Variants in CSMD1 observed in about 807,000 individuals in gnomAD.
CSMD1 encodes the protein CUB and Sushi multiple domains 1, also known as CUB and sushi domain-containing protein 1.
Under a neutral mutation model 417.5 loss-of-function variants are expected in CSMD1, and 213 were observed. That is an observed-to-expected ratio of 0.51 (90% confidence interval 0.46 to 0.57). The LOEUF (loss-of-function observed/expected upper bound fraction) is 0.57, where lower values mean the gene tolerates loss of function less well. Among genes scored for constraint, CSMD1 ranks in the 20% least tolerant of loss-of-function variants. The pLI, the probability that CSMD1 is intolerant of heterozygous loss-of-function variation, is 0.00. For synonymous variants in CSMD1, 2,862 were observed against 1,736.8 expected (o/e 1.65, Z -16.11); for missense variants, 6,923 against 4,529.7 (o/e 1.53, Z -15.17).
At chr8:2,942,749 A>G in intron 68 of CSMD1, 145 bp from the exon 69 acceptor site, 1 of 612,126 alleles carries the variant, frequency 1.6e-6, no homozygotes, top group Middle Eastern at 4.7e-4. Context: ...ATTCTTTTCT[A>G]AAGATTTTTA....
intron 8 of CSMD1, among the ~76,000 whole-genome samples, chr8:3,591,980 T>C (rs897357215): frequency 3.3e-5 from 5 of 151,900 alleles, no homozygotes; most frequent in South Asian, 4.2e-4. Flanking sequence ...GAAAGATAGA[T>C]TGATAGATAA....
intron 2 of CSMD1, among the ~76,000 whole-genome samples, chr8:4,446,410 T>G (rs973104102): frequency 1.3e-5 from 2 of 151,942 alleles, no homozygotes; most frequent in Admixed American, 1.3e-4. Context: ...TAGCCATGGG[T>G]GGTGGTGCAC....
At chr8:3,380,528 G>C (rs1810566338) in intron 18 of CSMD1, among the ~76,000 whole-genome samples, 2 of 152,114 alleles carry the variant, frequency 1.3e-5, no homozygotes, top group Non-Finnish European at 2.9e-5. Flanking sequence ...AGACAATGTG[G>C]CACATATACA....
intron 5 of CSMD1, among the ~76,000 whole-genome samples, chr8:3,989,598 C>G (rs146539724): frequency 1.3e-5 from 2 of 152,280 alleles, no homozygotes; most frequent in Non-Finnish European, 2.9e-5. Context: ...AGAGATTTCT[C>G]AGGTGCCATC....
At chr8:4,267,588 CTTGG>C (rs1395732487) in intron 3 of CSMD1, among the ~76,000 whole-genome samples, 3 of 151,864 alleles carry the variant, frequency 2.0e-5, no homozygotes, top group Non-Finnish European at 4.4e-5. Flanking sequence ...GTGACACATT[CTTGG>C]TTGGTAGAAA....
intron 7 of CSMD1, among the ~76,000 whole-genome samples, chr8:3,675,471 G>A (rs1389639833): frequency 6.6e-6 from 1 of 152,200 alleles, no homozygotes; most frequent in Admixed American, 6.5e-5. Context: ...TGATTGCAAT[G>A]GACTGAATAT....
rs1490182136 is a variant in CSMD1, at chr8:3,342,320, C to CT, written c.3631+973dup. 4.6e-5 allele frequency among the ~76,000 whole-genome samples: 7 copies of CT among 152,066 alleles called. No homozygotes were observed. In the East Asian group the frequency reaches 1.4e-3, roughly 29 times the overall value. Reference sequence around the variant, plus strand: ...GGATGATTATTATCTTTTGCAGGACCTTTTTTGCCTATCCATCAAATAAAG... The same window carrying CT: ...GGATGATTATTATCTTTTGCAGGACCTTTTTTTGCCTATCCATCAAATAAAG... On this transcript the variant is annotated intron_variant, in intron 23 of 69. Transcript: ENST00000635120.
intron 7 of CSMD1, among the ~76,000 whole-genome samples, chr8:3,631,648 C>T (rs895649915): frequency 6.6e-6 from 1 of 152,178 alleles, no homozygotes. Context: ...GTGATTTTAG[C>T]CAGTCCAGCT....
rs570785446 is a variant in CSMD1 at position 3,200,998 on chromosome 8, G to A, written c.5098+614C>T. On this transcript the variant is annotated intron_variant, in intron 32 of 69. Coordinates refer to ENST00000635120, the MANE Select transcript of CSMD1 (RefSeq NM_033225.6). ...GGGTTAAATTGTGCTATATTAAACCGACTGAATACCATTCAGAACTCAGAG... is the reference window on the plus strand; with the variant it reads ...GGGTTAAATTGTGCTATATTAAACCAACTGAATACCATTCAGAACTCAGAG... Among the ~76,000 whole-genome samples, 19 of 152,270 alleles carry A rather than the reference G, an allele frequency of 1.2e-4. No homozygotes were observed. The South Asian group carries it at 3.3e-3, about 27-fold the overall frequency.
intron 5 of CSMD1, among the ~76,000 whole-genome samples, chr8:3,911,073 C>G (rs117317768): frequency 6.6e-6 from 1 of 152,076 alleles, no homozygotes; most frequent in Non-Finnish European, 1.5e-5. Context: ...TGGAGATGAC[C>G]AGAAAATTCT....
chr8:4,199,483 A>G (rs1012267900), intron 3 of CSMD1, among the ~76,000 whole-genome samples: 1 of 152,214 alleles, frequency 6.6e-6, no homozygotes, highest in African/African-American at 2.4e-5. Context: ...AAAAAGGCAA[A>G]TAGGAATATG....
chr8:3,959,312 C>T (rs1226574353), intron 5 of CSMD1, among the ~76,000 whole-genome samples: 2 of 152,088 alleles, frequency 1.3e-5, no homozygotes, highest in Non-Finnish European at 2.9e-5. Context: ...GCCTGGGCAA[C>T]ATGGCAAAAA....
At chr8:4,189,380 T>G (rs35822336) in intron 3 of CSMD1, among the ~76,000 whole-genome samples, 129,647 of 151,770 alleles carry the variant, frequency 0.85, 55,486 homozygotes, top group South Asian at 0.89. Flanking sequence ...AAGCCATGAA[T>G]ATTCTAACTC....
chr8:4,899,803 T>C (rs547324247), intron 1 of CSMD1, among the ~76,000 whole-genome samples: 5 of 152,230 alleles, frequency 3.3e-5, no homozygotes, highest in South Asian at 2.1e-4. Context: ...GCACAGAATA[T>C]AGAGGGCCTC....
At chr8:3,687,865 G>T (rs541644831) in intron 7 of CSMD1, among the ~76,000 whole-genome samples, 1 of 152,192 alleles carries the variant, frequency 6.6e-6, no homozygotes, top group African/African-American at 2.4e-5. Flanking sequence ...ACTCAGTGAG[G>T]ACCAGAGTCC....
At position 4,925,215 on chromosome 8, in the gene CSMD1, G is replaced by GTTTTTTTTT. The variant is rs10692207; in HGVS notation, c.85+69108_85+69116dup. Among the ~76,000 whole-genome samples, 186 of 72,710 alleles carry GTTTTTTTTT rather than the reference G, an allele frequency of 2.6e-3. 11 individuals carry two copies. The highest frequency in any genetic ancestry group is 0.033 in the Middle Eastern group (2 of 60). 47.7% of individuals were successfully genotyped at this position (72,710 alleles called of 152,430 possible). On this transcript the variant is annotated intron_variant, in intron 1 of 69. Transcript: ENST00000635120. ...AAACATGGTGAATACCAGTTTTATG[G>GTTTTTTTTT]TTTTTTTTTTTTTTTTTTTTTTTTT...
At chr8:4,869,448 T>C (rs1021287943) in intron 1 of CSMD1, among the ~76,000 whole-genome samples, 2 of 152,052 alleles carry the variant, frequency 1.3e-5, no homozygotes, top group Non-Finnish European at 2.9e-5. Context: ...TAAATTTTAA[T>C]GAAAGCATAT....
chr8:4,496,504 G>A (rs1585165944), intron 2 of CSMD1, among the ~76,000 whole-genome samples: 1 of 152,292 alleles, frequency 6.6e-6, no homozygotes, highest in East Asian at 1.9e-4. Flanking sequence ...TGTAAGTCGG[G>A]TAATATACCA....
At chr8:4,976,959 C>T (rs1225155762) in intron 1 of CSMD1, among the ~76,000 whole-genome samples, 1 of 152,158 alleles carries the variant, frequency 6.6e-6, no homozygotes, top group Non-Finnish European at 1.5e-5. Context: ...AGGGCAGATG[C>T]TGTTGTCTTT....
Sources: gnomAD v4.1 joint callset for allele counts (sites outside exome capture counted in the v4.1 genomes callset) on GRCh38, gnomAD v4.1.1 for gene constraint, MANE v1.5 for transcripts, NCBI Gene and HGNC (gene_info 2026-07-23, HGNC 2026-07-21) for gene names.